The following GPR158 variants were observed in gnomAD, a reference collection of about 807,000 sequenced individuals.
The protein encoded by GPR158 is metabotropic glycine receptor.
In GPR158, 30 loss-of-function variants were observed where a neutral mutation model predicts 78.2. The observed-to-expected ratio is 0.38, with a 90% CI of 0.29 to 0.52. The LOEUF (loss-of-function observed/expected upper bound fraction) is 0.52. Ranked by LOEUF, GPR158 falls within the 20% of genes least tolerant of loss-of-function variation. GPR158 has a pLI of 0.83. For synonymous variants in GPR158, 581 were observed against 591.1 expected (o/e 0.98, Z 0.25); for missense variants, 1,463 against 1,523.5 (o/e 0.96, Z 0.66).
intron 2 of GPR158, among the ~76,000 whole-genome samples, chr10:25,354,063 G>C (rs1855513194): frequency 6.6e-6 from 1 of 151,982 alleles, no homozygotes; most frequent in Admixed American, 6.6e-5. Context: ...GATTTAAAAA[G>C]TTATTAAAGC....
intron 2 of GPR158, among the ~76,000 whole-genome samples, chr10:25,346,006 A>G (rs1303166060): frequency 3.3e-5 from 5 of 151,976 alleles, no homozygotes; most frequent in African/African-American, 7.2e-5. Context: ...GGCACCAAAG[A>G]TAATAGGAAA....
chr10:25,253,538 T>A (rs1405941592), intron 2 of GPR158, among the ~76,000 whole-genome samples: 1 of 152,190 alleles, frequency 6.6e-6, no homozygotes, highest in Non-Finnish European at 1.5e-5. Flanking sequence ...TTGATTATTA[T>A]TGGTAATGTC....
chr10:25,241,689 T>C (rs1853631858), intron 2 of GPR158, among the ~76,000 whole-genome samples: 1 of 152,334 alleles, frequency 6.6e-6, no homozygotes, highest in South Asian at 2.1e-4. Flanking sequence ...CCCAAAGTGC[T>C]GGGATTACAG....
intron 5 of GPR158, among the ~76,000 whole-genome samples, chr10:25,533,710 G>A (rs1344311816): frequency 1.3e-5 from 2 of 152,064 alleles, no homozygotes; most frequent in African/African-American, 4.8e-5. Flanking sequence ...ACATTTTATA[G>A]CACCAGGCAT....
chr10:25,486,371 AC>A (rs1489078931), intron 5 of GPR158, among the ~76,000 whole-genome samples: 2 of 69,654 alleles, frequency 2.9e-5, no homozygotes, highest in Non-Finnish European at 4.9e-5. Context: ...ACTGGCCCTC[AC>A]TAGCTGTGTC....
Position 25,398,773 on chromosome 10 carries a change from A to G in GPR158, c.1111+2760A>G, listed in dbSNP as rs78853020. ...AGAGGCCACTCTTTTCAGGAAGATG[A>G]TGTATAATTGAGTTTAGCTTTGATT... On this transcript the variant is annotated intron_variant, in intron 3 of 10. Transcript: ENST00000376351. Among the ~76,000 whole-genome samples, 1,425 of 152,296 alleles carry G rather than the reference A, an allele frequency of 9.4e-3. 26 individuals carry two copies. Among genetic ancestry groups the G allele is most frequent in the African/African-American group, 0.032 (1,343 of 41,556 alleles).
intron 5 of GPR158, among the ~76,000 whole-genome samples, chr10:25,539,328 G>A (rs1335458757): frequency 6.6e-6 from 1 of 152,120 alleles, no homozygotes; most frequent in African/African-American, 2.4e-5. Context: ...GGAGGAGTAT[G>A]AATGAAAATC....
chr10:25,270,741 C>T (rs189647504), intron 2 of GPR158, among the ~76,000 whole-genome samples: 2 of 152,290 alleles, frequency 1.3e-5, no homozygotes, highest in East Asian at 1.9e-4. Context: ...GATTTTATCT[C>T]ATACTATTTT....
chr10:25,231,233 A>G (rs1477895913), intron 2 of GPR158, among the ~76,000 whole-genome samples: 1 of 152,222 alleles, frequency 6.6e-6, no homozygotes, highest in Non-Finnish European at 1.5e-5. Flanking sequence ...TTGTTAATGC[A>G]AGACTGATAC....
At chr10:25,353,435 C>T (rs71495431) in intron 2 of GPR158, among the ~76,000 whole-genome samples, 14,748 of 151,688 alleles carry the variant, frequency 0.097, 1,639 homozygotes, top group African/African-American at 0.28. Flanking sequence ...ATGTAACTAA[C>T]CTGCACATTG....
chr10:25,504,638 G>C (rs974269731), intron 5 of GPR158, among the ~76,000 whole-genome samples: 2 of 152,142 alleles, frequency 1.3e-5, no homozygotes, highest in Non-Finnish European at 2.9e-5. Flanking sequence ...TTTCTTCCCC[G>C]AGTGCCTGAC....
At chr10:25,363,496 G>A (rs887030195) in intron 2 of GPR158, among the ~76,000 whole-genome samples, 2 of 151,896 alleles carry the variant, frequency 1.3e-5, no homozygotes, top group Non-Finnish European at 2.9e-5. Context: ...ACTGGCTTTT[G>A]AGAAAAGAAA....
intron 5 of GPR158, among the ~76,000 whole-genome samples, chr10:25,517,627 A>C (rs1323218395): frequency 6.6e-6 from 1 of 152,132 alleles, no homozygotes; most frequent in East Asian, 1.9e-4. Flanking sequence ...CTATTGAGAT[A>C]ATCATGTGGT....
At chr10:25,408,028 T>C (rs1197268306) in intron 3 of GPR158, among the ~76,000 whole-genome samples, 1 of 152,210 alleles carries the variant, frequency 6.6e-6, no homozygotes, top group South Asian at 2.1e-4. Context: ...TAGTCTCTGC[T>C]TATCCCATCT....
chr10:25,572,675 C>A lies in GPR158; in HGVS notation c.1541C>A (p.Thr514Lys). ...HRVLKVFLSR[T>K]AQRIPYMTGG... ...GTTTTGAAGGTGTTTCTTTCACGAA[C>A]GGCTCAACGAATTCCATATATGACT... Residue 514 changes from threonine to lysine, a missense_variant, in exon 7 of 11, where the codon ACG becomes AAG. Coordinates refer to ENST00000376351, the MANE Select transcript of GPR158 (RefSeq NM_020752.3). 6.2e-7 allele frequency: 1 copy of A among 1,613,040 alleles called. No homozygotes were observed. The highest frequency in any genetic ancestry group is 8.5e-7 in the Non-Finnish European group (1 of 1,179,016).
At chr10:25,304,368 A>C (rs1198647304) in intron 2 of GPR158, among the ~76,000 whole-genome samples, 1 of 152,100 alleles carries the variant, frequency 6.6e-6, no homozygotes. Context: ...GGAAAGTTGA[A>C]GAGAGGTAAG....
chr10:25,440,519 C>T (rs1835053965), intron 4 of GPR158, among the ~76,000 whole-genome samples: 1 of 152,188 alleles, frequency 6.6e-6, no homozygotes, highest in Non-Finnish European at 1.5e-5. Context: ...ATACTTGTTG[C>T]ATTTGGAAAA....
intron 3 of GPR158, among the ~76,000 whole-genome samples, chr10:25,407,519 G>C (rs944355921): frequency 6.6e-6 from 1 of 152,078 alleles, no homozygotes; most frequent in Non-Finnish European, 1.5e-5. Flanking sequence ...TCACCACTTG[G>C]ATCTCAAGTA....
chr10:25,189,544 C>T (rs1002613558), intron 1 of GPR158, among the ~76,000 whole-genome samples: 3 of 151,894 alleles, frequency 2.0e-5, no homozygotes, highest in Non-Finnish European at 4.4e-5. Context: ...GGATAGAAAA[C>T]CAAACACCAC....
Sources: gnomAD v4.1 joint callset for allele counts (sites outside exome capture counted in the v4.1 genomes callset) on GRCh38, gnomAD v4.1.1 for gene constraint, MANE v1.5 for transcripts, NCBI Gene and HGNC (gene_info 2026-07-23, HGNC 2026-07-21) for gene names.